NAV3: variants seen among roughly 807,000 people sequenced by gnomAD.
NAV3 encodes the protein neuron navigator 3.
Under a neutral mutation model 244.7 loss-of-function variants are expected in NAV3, and 87 were observed. That is an observed-to-expected ratio of 0.36 (90% CI 0.30 to 0.42). NAV3 has a LOEUF of 0.42. Ranked by LOEUF, NAV3 falls within the 20% of genes least tolerant of loss-of-function variation. The pLI, the probability that NAV3 is intolerant of heterozygous loss-of-function variation, is 1.00. For synonymous variants in NAV3, 1,126 were observed against 1,042.2 expected, an observed-to-expected ratio of 1.08 and a Z score of -1.55; for missense variants, 2,663 against 2,893.3, an observed-to-expected ratio of 0.92 and a Z score of 1.83.
intron 5 of NAV3, among the ~76,000 whole-genome samples, chr12:77,985,449 T>C (rs1870327890): frequency 6.6e-6 from 1 of 152,332 alleles, no homozygotes; most frequent in Admixed American, 6.5e-5. Flanking sequence ...AAAGTATTTA[T>C]ATACTTTATA....
At chr12:77,979,430 T>C (rs1371353619) in intron 5 of NAV3, among the ~76,000 whole-genome samples, 1 of 151,850 alleles carries the variant, frequency 6.6e-6, no homozygotes, top group Non-Finnish European at 1.5e-5. Flanking sequence ...ATAAAAAAGC[T>C]ATAATGATTA....
At chr12:77,691,335 G>A (rs60120302) in intron 2 of NAV3, among the ~76,000 whole-genome samples, 88,750 of 100,618 alleles carry the variant, frequency 0.88, 39,443 homozygotes, top group East Asian at 0.96. Context: ...TTGTGTATGT[G>A]TGTATATATA....
At position 78,007,158 on chromosome 12, in the gene NAV3, C is replaced by A. The variant is rs1454267464; in HGVS notation, c.1620C>A (p.Thr540=). ...CTAAAGTTCCAACAGTAAAGCAAAC[C>A]ATTTCACCTGGCAGCACAGCAAGCA... ...PGSKVPTVKQ[T]ISPGSTASKE... is the part of the protein sequence containing the mutation. The change falls in exon 8 of 40, where the codon ACC becomes ACA. Residue 540 remains threonine, a synonymous_variant. Coordinates refer to ENST00000397909, the MANE Select transcript of NAV3 (RefSeq NM_001024383.2). 1.2e-6 allele frequency: 2 copies of A among 1,613,946 alleles called. No individual in the cohort carries two copies. Among genetic ancestry groups the A allele is most frequent in the Admixed American group, 3.3e-5 (2 of 59,996 alleles).
chr12:77,951,847 C>T (rs1352445967), intron 3 of NAV3, among the ~76,000 whole-genome samples: 1 of 152,070 alleles, frequency 6.6e-6, no homozygotes, highest in Non-Finnish European at 1.5e-5. Flanking sequence ...CATATTCTCA[C>T]TCACAGGTGG....
intron 23 of NAV3, among the ~76,000 whole-genome samples, chr12:78,162,367 A>G (rs1957579851): frequency 1.3e-5 from 2 of 152,094 alleles, no homozygotes; most frequent in African/African-American, 4.8e-5. Context: ...TTCTAATGAC[A>G]AAACAGTACA....
chr12:77,664,281 T>C (rs1342076649), intron 2 of NAV3, among the ~76,000 whole-genome samples: 1 of 152,220 alleles, frequency 6.6e-6, no homozygotes, highest in East Asian at 1.9e-4. Flanking sequence ...TTCCTACTTA[T>C]ATATCAGAAC....
Position 77,709,333 on chromosome 12 carries a change from C to A in NAV3, c.72+137067C>A, listed in dbSNP as rs151058140. 6.8e-4 allele frequency among the ~76,000 whole-genome samples: 103 copies of A among 152,240 alleles called. 1 individual carries two copies. Among genetic ancestry groups the A allele is most frequent in the African/African-American group, 2.3e-3 (95 of 41,538 alleles). On this transcript the variant is annotated intron_variant, in intron 2 of 8. Coordinates refer to the NAV3 transcript ENST00000550042. ...TAATAAGAGCTATTTATGACAAACCCACAGCCAATATCATACTGAATGGGC... is the reference window on the plus strand; with the variant it reads ...TAATAAGAGCTATTTATGACAAACCAACAGCCAATATCATACTGAATGGGC...
At chr12:78,145,150 T>C (rs961773266) in intron 20 of NAV3, 3 of 202,792 alleles carry the variant, frequency 1.5e-5, no homozygotes, top group Admixed American at 6.1e-5. Flanking sequence ...AATCTTTCCT[T>C]AAAAATCTAA....
At chr12:77,728,967 T>G (rs1165550872) in intron 2 of NAV3, among the ~76,000 whole-genome samples, 1 of 152,018 alleles carries the variant, frequency 6.6e-6, no homozygotes, top group Admixed American at 6.6e-5. Context: ...TATGATAGTC[T>G]GCTTCCACTT....
rs7137700 is a variant in NAV3 at position 77,965,169 on chromosome 12, G to A, written c.415-1060G>A. On this transcript the variant is annotated intron_variant, in intron 3 of 39. Coordinates refer to ENST00000397909, the MANE Select transcript of NAV3 (RefSeq NM_001024383.2). ...AGAATACCCCCAAATCCAGGGAGAT[G>A]GATCACAAAGAATTGGAACTTTTTA... is the stretch of plus-strand genomic sequence containing the variant. Among the ~76,000 whole-genome samples, 1,405 of 152,208 alleles carry A rather than the reference G, an allele frequency of 9.2e-3. 13 individuals carry two copies. The highest frequency in any genetic ancestry group is 0.027 in the African/African-American group (1,130 of 41,508).
intron 9 of NAV3, among the ~76,000 whole-genome samples, chr12:78,042,033 T>G (rs1055402119): frequency 1.3e-5 from 2 of 152,106 alleles, no homozygotes; most frequent in Admixed American, 6.6e-5. Context: ...TCCCTGTCCC[T>G]CTCTTAATCT....
intron 1 of NAV3, among the ~76,000 whole-genome samples, chr12:77,854,759 A>C (rs1198138568): frequency 6.6e-6 from 1 of 152,164 alleles, no homozygotes; most frequent in East Asian, 1.9e-4. Context: ...TCTTTTCTAA[A>C]TCTACAAATG....
chr12:77,647,323 T>A (rs1045571448), intron 2 of NAV3, among the ~76,000 whole-genome samples: 2 of 152,138 alleles, frequency 1.3e-5, no homozygotes, highest in Admixed American at 6.6e-5. Context: ...AGAAAGACTT[T>A]AAACGCCTTA....
intron 9 of NAV3, among the ~76,000 whole-genome samples, chr12:78,034,900 TA>T (rs1879593367): frequency 6.6e-6 from 1 of 152,232 alleles, no homozygotes; most frequent in African/African-American, 2.4e-5. Flanking sequence ...ACTGTAATTT[TA>T]TTTAGCACAT....
intron 30 of NAV3, 116 bp downstream of exon 30, chr12:78,181,161 A>G (rs575082217): frequency 1.1e-6 from 1 of 899,118 alleles, no homozygotes; most frequent in Non-Finnish European, 1.7e-6. Flanking sequence ...TAATTCTCAG[A>G]AATAGTCCTA....
chr12:78,118,879 C>T (rs993625251), intron 14 of NAV3, among the ~76,000 whole-genome samples: 12 of 152,190 alleles, frequency 7.9e-5, no homozygotes, highest in Non-Finnish European at 1.8e-4. Context: ...CACTAATTAA[C>T]AGGGTACTCC....
At chr12:78,012,414 T>C (rs1593275717) in intron 8 of NAV3, among the ~76,000 whole-genome samples, 1 of 152,004 alleles carries the variant, frequency 6.6e-6, no homozygotes, top group Admixed American at 6.6e-5. Flanking sequence ...AATGAAGCCA[T>C]CTATTAGGTT....
At chr12:77,738,908 A>C (rs1219730681) in intron 2 of NAV3, among the ~76,000 whole-genome samples, 4 of 146,354 alleles carry the variant, frequency 2.7e-5, no homozygotes, top group Non-Finnish European at 6.0e-5. Context: ...GCTACTCAGG[A>C]GGCTCAGGCA....
chr12:78,022,224 A>G (rs1316161622), intron 9 of NAV3, among the ~76,000 whole-genome samples: 1 of 152,158 alleles, frequency 6.6e-6, no homozygotes, highest in South Asian at 2.1e-4. Flanking sequence ...ATTCTGTATG[A>G]TTTAAAACAT....
Sources: allele counts gnomAD v4.1 joint callset (sites outside exome capture counted in the v4.1 genomes callset), GRCh38; gene constraint gnomAD v4.1.1; transcripts MANE v1.5; gene names NCBI Gene and HGNC (gene_info 2026-07-23, HGNC 2026-07-21).